The following SDK1 variants were observed in gnomAD, a reference collection of about 807,000 sequenced individuals.
SDK1 encodes protein sidekick-1.
In SDK1, 157 loss-of-function variants were observed where a neutral mutation model predicts 245.5. The ratio of observed to expected loss-of-function variants is 0.64; its 90% CI spans 0.56 to 0.73. The LOEUF is 0.73. Ranked by LOEUF, SDK1 falls within the 30% of genes least tolerant of loss-of-function variation. The probability of loss-of-function intolerance (pLI) is 0.00; values close to 1 mark genes in which losing one functional copy is unlikely to be tolerated. For synonymous variants in SDK1, 1,647 were observed against 1,278.5 expected (o/e 1.29, Z -6.15); for missense variants, 3,583 against 3,002.3 (o/e 1.19, Z -4.52).
chr7:3,612,104 G>A (rs994665889), intron 1 of SDK1, among the ~76,000 whole-genome samples: 3 of 152,122 alleles, frequency 2.0e-5, no homozygotes, highest in African/African-American at 4.8e-5. Context: ...AGGGTGGGAC[G>A]GGGGTGAGGG....
intron 22 of SDK1, among the ~76,000 whole-genome samples, chr7:4,081,258 C>A (rs1781039164): frequency 6.6e-6 from 1 of 152,134 alleles, no homozygotes; most frequent in African/African-American, 2.4e-5. Flanking sequence ...GGCCCATGTT[C>A]CGTTGCCCAG....
At chr7:3,574,985 C>T (rs1407980576) in intron 1 of SDK1, among the ~76,000 whole-genome samples, 4 of 152,070 alleles carry the variant, frequency 2.6e-5, no homozygotes, top group Non-Finnish European at 5.9e-5. Flanking sequence ...GTTACCCTTT[C>T]TGCCCCACTT....
intron 1 of SDK1, among the ~76,000 whole-genome samples, chr7:3,495,768 C>G (rs1782006884): frequency 6.6e-6 from 1 of 152,238 alleles, no homozygotes; most frequent in Non-Finnish European, 1.5e-5. Context: ...CTCCTTTGTC[C>G]TCGTGGACCC....
chr7:3,798,479 A>G (rs1180213169), intron 4 of SDK1, among the ~76,000 whole-genome samples: 1 of 152,104 alleles, frequency 6.6e-6, no homozygotes, highest in Non-Finnish European at 1.5e-5. Context: ...GGCCTCCCAA[A>G]GTGCTGGGAT....
chr7:3,941,957 G>A (rs964387175), intron 5 of SDK1, among the ~76,000 whole-genome samples: 4 of 141,374 alleles, frequency 2.8e-5, no homozygotes, highest in African/African-American at 8.1e-5. Flanking sequence ...CGCCCAAGCT[G>A]GAGTGCAGTG....
intron 5 of SDK1, among the ~76,000 whole-genome samples, chr7:3,872,650 C>T (rs2115135810): frequency 6.7e-6 from 1 of 149,878 alleles, no homozygotes; most frequent in African/African-American, 2.5e-5. Context: ...GTAGTTGTGC[C>T]TTCTCTTTTT....
chr7:3,613,576 G>T (rs941320953), intron 1 of SDK1, among the ~76,000 whole-genome samples: 3 of 152,204 alleles, frequency 2.0e-5, no homozygotes, highest in South Asian at 4.1e-4. Context: ...GTGGAAGACA[G>T]TGTGGTGATT....
At chr7:3,568,953 T>C (rs1780014412) in intron 1 of SDK1, among the ~76,000 whole-genome samples, 1 of 152,148 alleles carries the variant, frequency 6.6e-6, no homozygotes, top group Admixed American at 6.5e-5. Context: ...AAATAAACAT[T>C]TATTTTTAGT....
intron 5 of SDK1, among the ~76,000 whole-genome samples, chr7:3,866,792 G>A (rs1226738486): frequency 6.6e-6 from 1 of 152,180 alleles, no homozygotes; most frequent in Non-Finnish European, 1.5e-5. Context: ...TACTGGCTGT[G>A]GAGGAACCAC....
At chr7:3,750,535 CAGAG>C (rs1175893337) in intron 4 of SDK1, among the ~76,000 whole-genome samples, 2 of 152,164 alleles carry the variant, frequency 1.3e-5, no homozygotes, top group African/African-American at 2.4e-5. Context: ...AGAGGGATTG[CAGAG>C]AGAGATTGAG....
At chr7:4,105,884 G>A (rs1782870293) in intron 22 of SDK1, among the ~76,000 whole-genome samples, 1 of 152,200 alleles carries the variant, frequency 6.6e-6, no homozygotes, top group Admixed American at 6.5e-5. Flanking sequence ...GAGACTGCGT[G>A]ATGCCTCCAG....
chr7:4,071,724 C>G (rs1362727961), intron 20 of SDK1, among the ~76,000 whole-genome samples: 5 of 152,210 alleles, frequency 3.3e-5, no homozygotes, highest in African/African-American at 1.2e-4. Flanking sequence ...TCAGACCCTT[C>G]AGGGACCAGT....
chr7:3,724,354 C>G (rs1778946186), intron 4 of SDK1, among the ~76,000 whole-genome samples: 1 of 152,006 alleles, frequency 6.6e-6, no homozygotes, highest in African/African-American at 2.4e-5. Flanking sequence ...AGGAGGATTG[C>G]TTGAGCCCAG....
chr7:3,619,105 G>A lies in SDK1; in HGVS notation c.324G>A (p.Thr108=), dbSNP rs934988272. Residue 108 remains threonine, a synonymous_variant, in exon 2 of 45, where the codon ACG becomes ACA. Transcript: ENST00000404826. ...ATGATGTTGCTCCATATTTTAAAAC[G>A]GAGCCAGGCCTACCACAGATCCACC... ...AQDDVAPYFK[T]EPGLPQIHLE... The A allele has an allele frequency of 3.1e-6, 5 of 1,595,460 alleles. No individual in the cohort carries two copies. The highest frequency in any genetic ancestry group is 2.7e-5 in the African/African-American group (2 of 74,096).
chr7:3,644,325 A>G (rs1782753326), intron 4 of SDK1, among the ~76,000 whole-genome samples: 1 of 151,438 alleles, frequency 6.6e-6, no homozygotes, highest in African/African-American at 2.4e-5. Flanking sequence ...AGATGGGATA[A>G]TTGCTATCCT....
At chr7:3,923,814 G>C (rs1437774761) in intron 5 of SDK1, among the ~76,000 whole-genome samples, 1 of 152,144 alleles carries the variant, frequency 6.6e-6, no homozygotes, top group African/African-American at 2.4e-5. Flanking sequence ...CCGGAATTCT[G>C]ACCTCTGTGG....
chr7:3,319,110 C>A (rs1014489150), intron 1 of SDK1, among the ~76,000 whole-genome samples: 5 of 152,074 alleles, frequency 3.3e-5, no homozygotes, highest in Non-Finnish European at 7.4e-5. Context: ...GGCAGTGGGG[C>A]CTCACGGAGA....
chr7:3,856,561 C>T (rs761265571), intron 5 of SDK1, among the ~76,000 whole-genome samples: 39 of 150,558 alleles, frequency 2.6e-4, no homozygotes, highest in Admixed American at 1.9e-3. Context: ...GAGGCCGAGG[C>T]AGGTGGATCA....
At chr7:3,411,639 A>G (rs186365716) in intron 1 of SDK1, among the ~76,000 whole-genome samples, 2 of 152,312 alleles carry the variant, frequency 1.3e-5, no homozygotes, top group Non-Finnish European at 2.9e-5. Flanking sequence ...TGAAATGATG[A>G]AAAATATGCT....
Sources: allele counts gnomAD v4.1 joint callset (sites outside exome capture counted in the v4.1 genomes callset), GRCh38; gene constraint gnomAD v4.1.1; transcripts MANE v1.5; gene names NCBI Gene and HGNC (gene_info 2026-07-23, HGNC 2026-07-21).